The following CACNA1D variants were observed in gnomAD, a reference collection of about 807,000 sequenced individuals.
The protein encoded by CACNA1D is calcium voltage-gated channel subunit alpha1 D.
In CACNA1D, 55 loss-of-function variants were observed where a neutral mutation model predicts 257.1. The ratio of observed to expected loss-of-function variants is 0.21; its 90% CI spans 0.17 to 0.27. The LOEUF (loss-of-function observed/expected upper bound fraction) is 0.27. Ranked by LOEUF, CACNA1D falls within the 10% of genes least tolerant of loss-of-function variation. The pLI is 1.00. For synonymous variants in CACNA1D, 980 were observed against 1,014.9 expected (o/e 0.97, Z 0.65); for missense variants, 1,876 against 2,784.0 (o/e 0.67, Z 7.34).
At chr3:53,765,213 C>T (rs1448890398) in intron 30 of CACNA1D, among the ~76,000 whole-genome samples, 2 of 152,194 alleles carry the variant, frequency 1.3e-5, no homozygotes, top group Non-Finnish European at 2.9e-5. Context: ...CACCCCACTC[C>T]CCTCCACATG....
At chr3:53,766,274 T>A (rs1362858100) in intron 30 of CACNA1D, 1 of 152,230 alleles carries the variant, frequency 6.6e-6, no homozygotes, top group African/African-American at 2.4e-5. Flanking sequence ...GTCCCCCATT[T>A]CATATGTGAA....
rs140208906 is a variant in CACNA1D at position 53,799,391 on chromosome 3, T to C, written c.4924-858T>C. ...AAGTCATGAACAATGGAAGGGCTTA[T>C]CCTGGGCCCTGTCTCAACATAGCAG... is the stretch of plus-strand genomic sequence containing the variant. On this transcript the variant is annotated intron_variant, in intron 40 of 47. Transcript: ENST00000350061. Among the ~76,000 whole-genome samples, 707 of 152,312 alleles carry C rather than the reference T, an allele frequency of 4.6e-3. 6 individuals are homozygous for C. Among genetic ancestry groups the C allele is most frequent in the Middle Eastern group, 0.014 (4 of 294 alleles).
At chr3:53,794,628 C>T (rs1484901410) in intron 40 of CACNA1D, among the ~76,000 whole-genome samples, 6 of 152,176 alleles carry the variant, frequency 3.9e-5, no homozygotes, top group East Asian at 1.9e-4. Flanking sequence ...CCCTTTTATA[C>T]TCTACATTAT....
chr3:53,601,185 C>T (rs1042916735), intron 3 of CACNA1D, among the ~76,000 whole-genome samples: 1 of 152,222 alleles, frequency 6.6e-6, no homozygotes, highest in Non-Finnish European at 1.5e-5. Flanking sequence ...CCTCCATCCT[C>T]CTTGAGAACC....
chr3:53,811,489 T>G lies in CACNA1D; in HGVS notation c.*83T>G, dbSNP rs917032816. The G allele has an allele frequency of 8.6e-7, 1 of 1,157,902 alleles. No homozygotes were observed. Among genetic ancestry groups the G allele is most frequent in the African/African-American group, 1.6e-5 (1 of 64,002 alleles). The allele number at this position is 1,157,902 out of a possible 1,614,324, so 71.7% of individuals were successfully genotyped here. A position where few individuals can be genotyped will look rare whatever the true frequency, so the allele number is the denominator to read the frequency against. On this transcript the variant is annotated 3_prime_UTR_variant, in exon 48 of 48. Transcript: ENST00000350061. The surrounding 1 kb of genome is among the most constrained non-coding windows in gnomAD (Gnocchi z 4.2). ...AAAAGTGCCTCATAGTTAGGAAAGT[T>G]TAGGCACTAGTTGGGAGTAATATTC...
At chr3:53,736,183 T>TA (rs1000341827) in intron 20 of CACNA1D, among the ~76,000 whole-genome samples, 27 of 151,314 alleles carry the variant, frequency 1.8e-4, no homozygotes, top group East Asian at 7.8e-4. Flanking sequence ...GTACAAAAAA[T>TA]AAAAAAAATT....
At chr3:53,694,551 C>G (rs555357849) in intron 8 of CACNA1D, among the ~76,000 whole-genome samples, 12 of 152,254 alleles carry the variant, frequency 7.9e-5, no homozygotes, top group Non-Finnish European at 1.6e-4. Context: ...TGATGTGGGC[C>G]AGCAACAATG....
intron 3 of CACNA1D, among the ~76,000 whole-genome samples, chr3:53,534,123 A>G (rs2092039586): frequency 6.6e-6 from 1 of 152,152 alleles, no homozygotes; most frequent in South Asian, 2.1e-4. Context: ...ACCTCTCGAC[A>G]GTAATTCCAG....
At chr3:53,730,591 G>A (rs1249328654) in intron 16 of CACNA1D, 35 bp downstream of exon 16, 1 of 1,466,598 alleles carries the variant, frequency 6.8e-7, no homozygotes, top group South Asian at 1.1e-5. Flanking sequence ...TTTGTCCAGG[G>A]GCTGTGTTGG....
chr3:53,774,339 G>C lies in CACNA1D; in HGVS notation c.4111-248G>C. On this transcript the variant is annotated intron_variant, in intron 33 of 47. Coordinates refer to ENST00000350061, the MANE Select transcript of CACNA1D (RefSeq NM_001128840.3). This position sits in a 1 kb window ranked among gnomAD's most constrained non-coding sequence, Gnocchi z 4.3. ...GGTTTGATGTTGCCTGGCTACCTTT[G>C]TGTCTCCCCCAGGGGAGATCCGCGA... 1 of 487,002 alleles carries C rather than the reference G, an allele frequency of 2.1e-6. No individual in the cohort carries two copies. The allele number at this position is 487,002 out of a possible 1,614,324, so 30.2% of individuals were successfully genotyped here.
intron 30 of CACNA1D, among the ~76,000 whole-genome samples, chr3:53,763,239 G>A (rs956897081): frequency 6.6e-6 from 1 of 152,248 alleles, no homozygotes; most frequent in Non-Finnish European, 1.5e-5. Flanking sequence ...CCAGGGAGAG[G>A]GTGTCAGTCC....
intron 15 of CACNA1D, among the ~76,000 whole-genome samples, chr3:53,727,613 CT>C (rs2094948608): frequency 1.3e-5 from 2 of 152,010 alleles, no homozygotes; most frequent in South Asian, 4.2e-4. Flanking sequence ...CTGTATTTAC[CT>C]CATTCAGACC....
chr3:53,796,555 G>A (rs2095508443), intron 40 of CACNA1D, among the ~76,000 whole-genome samples: 1 of 152,190 alleles, frequency 6.6e-6, no homozygotes, highest in Non-Finnish European at 1.5e-5. Context: ...AACCCTAAAA[G>A]TGGGCAGGAG....
At chr3:53,664,021 C>T (rs1411510091) in intron 5 of CACNA1D, among the ~76,000 whole-genome samples, 1 of 152,164 alleles carries the variant, frequency 6.6e-6, no homozygotes, top group Non-Finnish European at 1.5e-5. Context: ...CTGCCTCGGC[C>T]TCCCAAAGTG....
Position 53,648,829 on chromosome 3 carries a change from A to AACACACAC in CACNA1D, c.484-1924_484-1917dup, listed in dbSNP as rs148968944. 7.5e-3 allele frequency among the ~76,000 whole-genome samples: 1,101 copies of AACACACAC among 146,840 alleles called. 10 individuals are homozygous for AACACACAC. The highest frequency in any genetic ancestry group is 0.024 in the African/African-American group (973 of 40,082). ...CACACTGATGCTGGCTAACTCTCAA[A>AACACACAC]ACACACACACACACACACACACACA... On this transcript the variant is annotated intron_variant, in intron 3 of 47. Transcript: ENST00000350061.
intron 37 of CACNA1D, among the ~76,000 whole-genome samples, chr3:53,779,264 TC>T (rs1455817115): frequency 6.6e-6 from 1 of 152,150 alleles, no homozygotes; most frequent in African/African-American, 2.4e-5. Context: ...AAACAAAACA[TC>T]ATCTGCGTGT....
intron 8 of CACNA1D, among the ~76,000 whole-genome samples, chr3:53,682,298 T>G (rs1363858010): frequency 8.2e-6 from 1 of 122,000 alleles, no homozygotes; most frequent in Non-Finnish European, 1.6e-5. Flanking sequence ...AAGGGTGAGG[T>G]GGAAGGGTTG....
intron 3 of CACNA1D, among the ~76,000 whole-genome samples, chr3:53,587,625 A>G (rs1204162057): frequency 1.3e-5 from 2 of 152,206 alleles, no homozygotes; most frequent in East Asian, 1.9e-4. Flanking sequence ...CACAAAGTGA[A>G]TAACTGGAAT....
intron 3 of CACNA1D, among the ~76,000 whole-genome samples, chr3:53,551,760 C>T (rs1371646365): frequency 1.3e-5 from 2 of 152,196 alleles, no homozygotes; most frequent in East Asian, 3.8e-4. Flanking sequence ...GAAGGCTGGA[C>T]TCCTACCTAA....
Sources: gnomAD v4.1 joint callset for allele counts (sites outside exome capture counted in the v4.1 genomes callset) on GRCh38, gnomAD v4.1.1 for gene constraint, Gnocchi (gnomAD v3.1) non-coding constraint, MANE v1.5 for transcripts, NCBI Gene and HGNC (gene_info 2026-07-23, HGNC 2026-07-21) for gene names.